The following PTH2R variants were observed in gnomAD, a reference collection of about 807,000 sequenced individuals.
PTH2R encodes the protein PTH2 receptor.
Under a neutral mutation model 60.3 loss-of-function variants are expected in PTH2R, and 59 were observed. That is an observed-to-expected ratio of 0.98 (90% confidence interval 0.79 to 1.22). The LOEUF (loss-of-function observed/expected upper bound fraction) is 1.22, where lower values mean the gene tolerates loss of function less well. Ranked by LOEUF, PTH2R falls within the 50% of genes most tolerant of loss-of-function variation. PTH2R has a pLI of 0.00. For synonymous variants in PTH2R, 256 were observed against 243.8 expected, an observed-to-expected ratio of 1.05 and a Z score of -0.47; for missense variants, 749 against 682.6, an observed-to-expected ratio of 1.10 and a Z score of -1.08.
intron 1 of PTH2R, among the ~76,000 whole-genome samples, chr2:208,397,144 G>T (rs1399655423): frequency 6.6e-6 from 1 of 152,102 alleles, no homozygotes; most frequent in Non-Finnish European, 1.5e-5. Flanking sequence ...ATCACATGCT[G>T]GCGCCTGTTG....
chr2:208,392,838 C>G (rs954135646), intron 1 of PTH2R, among the ~76,000 whole-genome samples: 2 of 152,142 alleles, frequency 1.3e-5, no homozygotes, highest in Non-Finnish European at 2.9e-5. Flanking sequence ...GCAGACTGAG[C>G]CGCTGGAATG....
At chr2:208,416,573 C>T (rs1701645777) in intron 1 of PTH2R, among the ~76,000 whole-genome samples, 1 of 152,160 alleles carries the variant, frequency 6.6e-6, no homozygotes, top group Admixed American at 6.5e-5. Context: ...AAGCTATCTG[C>T]CGTTCTGTAT....
chr2:208,401,989 G>A (rs1371213769), upstream of PTH2R, among the ~76,000 whole-genome samples: 1 of 152,144 alleles, frequency 6.6e-6, no homozygotes, highest in Non-Finnish European at 1.5e-5. Context: ...AAACATTTTT[G>A]TATCACAGCC....
At chr2:208,465,932 A>G (rs879776556) in intron 9 of PTH2R, among the ~76,000 whole-genome samples, 1 of 152,068 alleles carries the variant, frequency 6.6e-6, no homozygotes, top group African/African-American at 2.4e-5. Context: ...AAAATTTAAC[A>G]GGTCTATTTA....
intron 2 of PTH2R, among the ~76,000 whole-genome samples, chr2:208,435,696 C>G (rs1367449016): frequency 6.6e-6 from 1 of 152,176 alleles, no homozygotes; most frequent in African/African-American, 2.4e-5. Flanking sequence ...CCCAAGTGAA[C>G]AAGGAGACAG....
At chr2:208,455,695 C>T (rs539727494) in intron 8 of PTH2R, among the ~76,000 whole-genome samples, 2 of 152,178 alleles carry the variant, frequency 1.3e-5, no homozygotes, top group East Asian at 1.9e-4. Context: ...GTTATCTGAC[C>T]TATATAGCGC....
chr2:208,364,409 G>A (rs947665115), intron 1 of PTH2R, among the ~76,000 whole-genome samples: 2 of 152,082 alleles, frequency 1.3e-5, no homozygotes, highest in African/African-American at 2.4e-5. Flanking sequence ...TTTGTATGTG[G>A]TGTAAGAAAC....
chr2:208,472,214 G>T (rs1401944031), intron 9 of PTH2R, among the ~76,000 whole-genome samples: 2 of 152,168 alleles, frequency 1.3e-5, no homozygotes, highest in African/African-American at 4.8e-5. Context: ...TTGGGGGCCT[G>T]TTGGGAAGGT....
intron 1 of PTH2R, among the ~76,000 whole-genome samples, chr2:208,371,030 G>A (rs1012613601): frequency 2.0e-5 from 3 of 151,990 alleles, no homozygotes; most frequent in Admixed American, 2.0e-4. Context: ...GCTCTCATGT[G>A]AAATACCAGA....
At chr2:208,445,649 G>C (rs1702273955) in intron 7 of PTH2R, among the ~76,000 whole-genome samples, 1 of 152,002 alleles carries the variant, frequency 6.6e-6, no homozygotes. Context: ...CTCAGCATAG[G>C]AAAAAAATTC....
At chr2:208,402,484 C>G (rs1294290461), upstream of PTH2R, among the ~76,000 whole-genome samples, 1 of 152,166 alleles carries the variant, frequency 6.6e-6, no homozygotes, top group Non-Finnish European at 1.5e-5. Flanking sequence ...AATGTCATAG[C>G]TCCCTACATC....
chr2:208,401,470 C>T (rs181394021), intron 1 of PTH2R, among the ~76,000 whole-genome samples: 12 of 151,806 alleles, frequency 7.9e-5, no homozygotes, highest in African/African-American at 2.9e-4. Context: ...CCCGTCATTC[C>T]TTTTACCTTC....
intron 1 of PTH2R, among the ~76,000 whole-genome samples, chr2:208,392,920 T>G (rs1701133346): frequency 6.6e-6 from 1 of 152,226 alleles, no homozygotes; most frequent in Non-Finnish European, 1.5e-5. Context: ...CAGTGACCTC[T>G]GCCTCCAGGG....
Position 208,442,384 on chromosome 2 carries a change from C to T in PTH2R, c.432C>T (p.Leu144=). ...SIGKQEFFER[L]YVMYTVGYSI... ...TGCAGCAAGAATTCTTTGAACGCCT[C>T]TATGTAATGTATACCGTTGGCTACT... The change falls in exon 5 of 13, where the codon CTC becomes CTT. Residue 144 remains leucine (L), a synonymous_variant. Transcript: ENST00000272847. The T allele has an allele frequency of 6.2e-7, 1 of 1,612,646 alleles. No individual in the cohort carries two copies. The highest frequency in any genetic ancestry group is 8.5e-7 in the Non-Finnish European group (1 of 1,178,672).
At chr2:208,443,303 T>G in intron 5 of PTH2R, 45 bp from the exon 6 acceptor site, 1 of 1,467,850 alleles carries the variant, frequency 6.8e-7, no homozygotes, top group African/African-American at 1.4e-5. Flanking sequence ...TTTCCCCCAT[T>G]TTTAATTTTA....
intron 1 of PTH2R, among the ~76,000 whole-genome samples, chr2:208,423,721 A>G (rs1438270414): frequency 6.6e-6 from 1 of 151,986 alleles, no homozygotes; most frequent in Non-Finnish European, 1.5e-5. Flanking sequence ...GGATTTGTTT[A>G]TCTCTTCTTT....
chr2:208,472,401 C>A (rs1439535620), intron 9 of PTH2R, among the ~76,000 whole-genome samples: 1 of 152,174 alleles, frequency 6.6e-6, no homozygotes, highest in Non-Finnish European at 1.5e-5. Context: ...CAACAAGTTC[C>A]TCACCTCCAA....
intron 9 of PTH2R, among the ~76,000 whole-genome samples, chr2:208,467,422 A>G (rs1052170507): frequency 2.0e-5 from 3 of 152,216 alleles, no homozygotes; most frequent in Non-Finnish European, 4.4e-5. Flanking sequence ...GGTGTGCACT[A>G]CACGCAATCT....
exon 1 of PTH2R, chr2:208,360,209 C>G: frequency 2.2e-6 from 1 of 454,658 alleles, no homozygotes; most frequent in Non-Finnish European, 4.4e-6. Flanking sequence ...AGCATTTCTT[C>G]AAGAAAAAGG....
Sources: gnomAD v4.1 joint callset for allele counts (sites outside exome capture counted in the v4.1 genomes callset) on GRCh38, gnomAD v4.1.1 for gene constraint, MANE v1.5 for transcripts, NCBI Gene and HGNC (gene_info 2026-07-23, HGNC 2026-07-21) for gene names.